MRPL48: variants seen among roughly 807,000 people sequenced by gnomAD.
MRPL48 encodes the protein mitochondrial ribosomal protein L48, also known as large ribosomal subunit protein mL48.
Under a neutral mutation model 32.9 loss-of-function variants are expected in MRPL48, and 16 were observed. The observed-to-expected ratio is 0.49, with a 90% CI of 0.33 to 0.74. The LOEUF is 0.74. Ranked by LOEUF, MRPL48 falls within the 30% of genes least tolerant of loss-of-function variation. The pLI is 0.02. For missense variants in MRPL48, 206 were observed against 245.3 expected (o/e 0.84, Z 1.07); for synonymous variants, 94 against 89.2 (o/e 1.05, Z -0.31).
At chr11:73,846,615 T>C (rs1216225142) in intron 5 of MRPL48, among the ~76,000 whole-genome samples, 1 of 151,828 alleles carries the variant, frequency 6.6e-6, no homozygotes, top group Non-Finnish European at 1.5e-5. Context: ...TGCCTCAGCC[T>C]CCCAAAGTGC....
At chr11:73,841,545 G>GTT (rs1308721359) in intron 4 of MRPL48, among the ~76,000 whole-genome samples, 2 of 152,282 alleles carry the variant, frequency 1.3e-5, no homozygotes, top group African/African-American at 4.8e-5. Context: ...AAAAGAGAAT[G>GTT]TATCTATCAT....
At position 73,791,422 on chromosome 11, in the gene MRPL48, T is replaced by A. The variant is rs570557644; in HGVS notation, c.21+3430T>A. 1.2e-4 allele frequency among the ~76,000 whole-genome samples: 18 copies of A among 152,140 alleles called. No homozygotes were observed. The South Asian group carries it at 1.2e-3, about 11-fold the overall frequency. On this transcript the variant is annotated intron_variant, in intron 1 of 7. Transcript: ENST00000310614. ...TATGCAACTATATTTTCTTTTTTTT[T>A]AAATTTTGTTTTGAGACAGGGTCTC...
chr11:73,801,510 C>T (rs1159417482), intron 1 of MRPL48, among the ~76,000 whole-genome samples: 1 of 152,218 alleles, frequency 6.6e-6, no homozygotes, highest in Admixed American at 6.5e-5. Flanking sequence ...CTTCTGGGAT[C>T]ATCTGCACAT....
At chr11:73,841,874 C>T (rs1948191581) in intron 4 of MRPL48, among the ~76,000 whole-genome samples, 3 of 152,002 alleles carry the variant, frequency 2.0e-5, no homozygotes. Flanking sequence ...GTTTAAAATT[C>T]TCATTCCTAC....
intron 1 of MRPL48, among the ~76,000 whole-genome samples, chr11:73,798,385 C>T (rs762842916): frequency 9.9e-5 from 15 of 152,126 alleles, no homozygotes; most frequent in Admixed American, 2.0e-4. Context: ...TGAGCCACCT[C>T]GCCCGGCCAA....
At chr11:73,822,788 G>T (rs1255092036) in intron 3 of MRPL48, among the ~76,000 whole-genome samples, 3 of 152,176 alleles carry the variant, frequency 2.0e-5, no homozygotes, top group African/African-American at 7.2e-5. Flanking sequence ...ATGAGGGGCA[G>T]TTGAGCCAGG....
chr11:73,834,145 G>C (rs1410602173), intron 4 of MRPL48, among the ~76,000 whole-genome samples: 1 of 151,996 alleles, frequency 6.6e-6, no homozygotes, highest in African/African-American at 2.4e-5. Context: ...CACCACAGCT[G>C]GCCTAGAATT....
chr11:73,790,880 C>CTTTTTTTTTTT (rs71469471), intron 1 of MRPL48, among the ~76,000 whole-genome samples: 79 of 86,362 alleles, frequency 9.1e-4, no homozygotes, highest in Non-Finnish European at 1.1e-3. Flanking sequence ...CTTTTCTGTT[C>CTTTTTTTTTTT]TTTTTTTTTT....
chr11:73,846,451 C>A (rs957280738), intron 5 of MRPL48, among the ~76,000 whole-genome samples: 1 of 150,940 alleles, frequency 6.6e-6, no homozygotes, highest in African/African-American at 2.4e-5. Flanking sequence ...CTAACTCCTG[C>A]CTCAAGTGAT....
rs1947092844 is a variant in MRPL48 at position 73,788,569 on chromosome 11, G to A, written c.21+577G>A. ...GCTCACCACAACCTTCGCCTTCCGGGTTCAAGCGATTCTCCTGCCTCAGCC... is the reference window on the plus strand; with the variant it reads ...GCTCACCACAACCTTCGCCTTCCGGATTCAAGCGATTCTCCTGCCTCAGCC... On this transcript the variant is annotated intron_variant, in intron 1 of 7. Coordinates refer to ENST00000310614, the MANE Select transcript of MRPL48 (RefSeq NM_016055.6). 4.0e-5 allele frequency among the ~76,000 whole-genome samples: 6 copies of A among 149,912 alleles called. No individual in the cohort carries two copies. In the Admixed American group the frequency reaches 4.0e-4, roughly 10 times the overall value.
chr11:73,794,210 A>ATCTG (rs1486486300), intron 1 of MRPL48, among the ~76,000 whole-genome samples: 3 of 150,808 alleles, frequency 2.0e-5, no homozygotes, highest in Non-Finnish European at 4.4e-5. Flanking sequence ...CTATCTATCT[A>ATCTG]TCTATCTATC....
intron 1 of MRPL48, among the ~76,000 whole-genome samples, chr11:73,789,149 A>C (rs1947102673): frequency 6.7e-6 from 1 of 148,806 alleles, no homozygotes; most frequent in Non-Finnish European, 1.5e-5. Context: ...ATTTGGCCAA[A>C]TATGGTGCCA....
chr11:73,818,459 A>T (rs1464810426), intron 3 of MRPL48, among the ~76,000 whole-genome samples: 4 of 152,268 alleles, frequency 2.6e-5, no homozygotes, highest in Non-Finnish European at 4.4e-5. Flanking sequence ...CAACTGAAAG[A>T]AATTTGAAAA....
chr11:73,854,579 G>A (rs909224343), intron 5 of MRPL48, among the ~76,000 whole-genome samples: 1 of 152,184 alleles, frequency 6.6e-6, no homozygotes, highest in Admixed American at 6.5e-5. Context: ...GAGCCACCGT[G>A]CCTGGCCTAG....
chr11:73,813,541 T>G (rs1272132366), intron 3 of MRPL48, among the ~76,000 whole-genome samples: 1 of 152,160 alleles, frequency 6.6e-6, no homozygotes, highest in African/African-American at 2.4e-5. Flanking sequence ...TGTAAGAACT[T>G]TTAATATAGT....
chr11:73,861,364 T>TTTG (rs1948581869), intron 6 of MRPL48, among the ~76,000 whole-genome samples: 2 of 151,946 alleles, frequency 1.3e-5, no homozygotes, highest in Non-Finnish European at 2.9e-5. Flanking sequence ...GTTTGTTTTT[T>TTTG]TTTGTTTGTT....
intron 3 of MRPL48, among the ~76,000 whole-genome samples, chr11:73,820,017 T>C (rs1473642079): frequency 6.6e-6 from 1 of 152,200 alleles, no homozygotes; most frequent in African/African-American, 2.4e-5. Context: ...AAGGACGGAA[T>C]AGAGGAGAGG....
intron 5 of MRPL48, among the ~76,000 whole-genome samples, chr11:73,847,074 C>T (rs1948305878): frequency 6.6e-6 from 1 of 151,676 alleles, no homozygotes; most frequent in Admixed American, 6.6e-5. Context: ...AATCTCGCCT[C>T]CAATTTCTGG....
At chr11:73,840,607 C>T (rs1948171136) in intron 4 of MRPL48, among the ~76,000 whole-genome samples, 1 of 152,144 alleles carries the variant, frequency 6.6e-6, no homozygotes, top group Non-Finnish European at 1.5e-5. Flanking sequence ...TGAAGCGATT[C>T]TCCTGCCTCA....
Sources: allele counts gnomAD v4.1 joint callset (sites outside exome capture counted in the v4.1 genomes callset), GRCh38; gene constraint gnomAD v4.1.1; transcripts MANE v1.5; gene names NCBI Gene and HGNC (gene_info 2026-07-23, HGNC 2026-07-21).